TBX19: variants seen among roughly 807,000 people sequenced by gnomAD.
TBX19 encodes T-box transcription factor TBX19.
In TBX19, 33 loss-of-function variants were observed where a neutral mutation model predicts 40.9. The ratio of observed to expected loss-of-function variants is 0.81; its 90% CI spans 0.61 to 1.08. The LOEUF is 1.08. Among genes scored for constraint, TBX19 ranks in the 50% least tolerant of loss-of-function variants. TBX19 has a pLI of 0.00. For missense variants in TBX19, 494 were observed against 574.0 expected (o/e 0.86, Z 1.42); for synonymous variants, 220 against 225.0 (o/e 0.98, Z 0.20).
chr1:168,282,842 G>A (rs779525621), intron 1 of TBX19, among the ~76,000 whole-genome samples: 103 of 152,132 alleles, frequency 6.8e-4, no homozygotes, highest in Admixed American at 1.6e-3. Context: ...TGTCAAATTG[G>A]CCATTTATTA....
Position 168,305,150 on chromosome 1 carries a change from G to A in TBX19, c.870G>A (p.Gln290=), listed in dbSNP as rs1309264185. The A allele has an allele frequency of 6.2e-7, 1 of 1,613,592 alleles. No homozygotes were observed. Among genetic ancestry groups the A allele is most frequent in the African/African-American group, 1.3e-5 (1 of 74,880 alleles). Residue 290 remains glutamine (Q), a synonymous_variant, in exon 6 of 8, where the codon CAG becomes CAA. Coordinates refer to ENST00000367821, the MANE Select transcript of TBX19 (RefSeq NM_005149.3). ...EHYSGLRGHR[Q]APYPSAYMHR... is the part of the protein sequence containing the mutation. The stretch of plus-strand genomic sequence containing the variant: ...ATTCGGGTCTCCGAGGACACCGGCA[G>A]GCTCCCTACCCTTCTGCGTACATGC...
chr1:168,301,169 C>T (rs1572480411), intron 5 of TBX19, among the ~76,000 whole-genome samples: 1 of 152,336 alleles, frequency 6.6e-6, no homozygotes, highest in East Asian at 1.9e-4. Context: ...TTGCCAGCTG[C>T]AGAGTTCTTT....
chr1:168,301,071 A>G (rs912594471), intron 5 of TBX19, among the ~76,000 whole-genome samples: 1 of 152,236 alleles, frequency 6.6e-6, no homozygotes, highest in African/African-American at 2.4e-5. Flanking sequence ...ACCCACGATC[A>G]GTGACATCAG....
chr1:168,309,769 C>T (rs939234829), intron 7 of TBX19, among the ~76,000 whole-genome samples: 2 of 152,138 alleles, frequency 1.3e-5, no homozygotes, highest in Admixed American at 1.3e-4. Context: ...AGTTCTACCT[C>T]TTAGTAGTGA....
In TBX19 at chr1:168,313,312, G is replaced by A; in HGVS notation, c.*310G>A. On this transcript the variant is annotated 3_prime_UTR_variant, in exon 8 of 8. Transcript: ENST00000367821. ...TGCCTCTTATTCTCAAATCGTTCTG[G>A]AAAGCCTCACTTCCTTTTCTGTGGA... is the stretch of plus-strand genomic sequence containing the variant. 1 of 431,028 alleles carries A rather than the reference G, an allele frequency of 2.3e-6. No homozygotes were observed. Among genetic ancestry groups the A allele is most frequent in the Non-Finnish European group, 4.3e-6 (1 of 233,226 alleles). The allele number at this position is 431,028 out of a possible 1,614,324, so 26.7% of individuals were successfully genotyped here. A position where few individuals can be genotyped will look rare whatever the true frequency, so the allele number is the denominator to read the frequency against.
At chr1:168,284,336 A>G (rs1487991300) in intron 1 of TBX19, among the ~76,000 whole-genome samples, 1 of 152,156 alleles carries the variant, frequency 6.6e-6, no homozygotes, top group Non-Finnish European at 1.5e-5. Flanking sequence ...GGAAACTTAT[A>G]CTTTAGTTTG....
chr1:168,294,172 TTC>T (rs140781485), intron 3 of TBX19, among the ~76,000 whole-genome samples: 181 of 152,296 alleles, frequency 1.2e-3, no homozygotes, highest in African/African-American at 4.3e-3. Context: ...ATCTGCAAAT[TTC>T]TTTTTCCTCA....
intron 3 of TBX19, 59 bp from the exon 4 acceptor site, chr1:168,297,665 T>C: frequency 6.8e-7 from 1 of 1,473,572 alleles, no homozygotes; most frequent in East Asian, 2.3e-5. Flanking sequence ...AGACAAAGGG[T>C]TCTGTTTGCC....
chr1:168,308,858 C>T lies in TBX19; in HGVS notation c.1033C>T (p.Pro345Ser). ...CCTGTCTGTACCCCACACCAACGGACCAATCAATCCAGGGCCCAGGTAAGA... is the reference window on the plus strand; with the variant it reads ...CCTGTCTGTACCCCACACCAACGGATCAATCAATCCAGGGCCCAGGTAAGA... The part of the protein sequence containing the change: ...SILSVPHTNG[P>S]INPGPSPYPC... Residue 345 changes from proline (P) to serine (S), a missense_variant, in exon 7 of 8, where the codon CCA becomes TCA. By Grantham distance (74) the Pro-to-Ser change is moderately conservative. Transcript: ENST00000367821. The T allele has an allele frequency of 1.9e-6, 3 of 1,614,126 alleles. No homozygotes were observed. The highest frequency in any genetic ancestry group is 1.1e-5 in the South Asian group (1 of 91,074).
chr1:168,292,571 G>A (rs1648967936), intron 2 of TBX19, among the ~76,000 whole-genome samples: 2 of 152,160 alleles, frequency 1.3e-5, no homozygotes, highest in South Asian at 4.1e-4. Context: ...ACACTCTTAA[G>A]AATAACTCCT....
intron 1 of TBX19, among the ~76,000 whole-genome samples, chr1:168,288,514 C>G (rs930362685): frequency 6.6e-6 from 1 of 152,166 alleles, no homozygotes; most frequent in South Asian, 2.1e-4. Context: ...CTGGGCAACA[C>G]AGTCACACAC....
chr1:168,304,390 T>A (rs1649350433), intron 5 of TBX19, among the ~76,000 whole-genome samples: 1 of 152,128 alleles, frequency 6.6e-6, no homozygotes, highest in Admixed American at 6.5e-5. Context: ...ACAGGTGGGG[T>A]TGGTGGGTCC....
In TBX19 at chr1:168,305,203, G is replaced by T. The variant is rs1263702692; in HGVS notation, c.916+7G>T. 3 of 1,608,920 alleles carry T rather than the reference G, an allele frequency of 1.9e-6. No individual in the cohort carries two copies. The highest frequency in any genetic ancestry group is 2.5e-6 in the Non-Finnish European group (3 of 1,179,988). On this transcript the variant is annotated splice_region_variant and intron_variant, in intron 6 of 7. Coordinates refer to ENST00000367821, the MANE Select transcript of TBX19 (RefSeq NM_005149.3). Reference sequence around the variant, plus strand: ...AGAAACCATTCTCCCTCAGGTCTGTGACTCTGCTGATTAAACCCTTGGGGT... The same window carrying T: ...AGAAACCATTCTCCCTCAGGTCTGTTACTCTGCTGATTAAACCCTTGGGGT...
At position 168,293,289 on chromosome 1, in the gene TBX19, G is replaced by A; in HGVS notation, c.603+11G>A. On this transcript the variant is annotated intron_variant, in intron 3 of 7. Transcript: ENST00000367821. The stretch of plus-strand genomic sequence containing the variant: ...TATCAGAATGAGGAGGTAAGAGTGT[G>A]TGTGTGTGTGTGTGTGTGTGTGTGT... 8.2e-7 allele frequency: 1 copy of A among 1,217,020 alleles called. No individual in the cohort carries two copies. Among genetic ancestry groups the A allele is most frequent in the East Asian group, 2.8e-5 (1 of 35,904 alleles). The allele number at this position is 1,217,020 out of a possible 1,614,324, so 75.4% of individuals were successfully genotyped here. A position where few individuals can be genotyped will look rare whatever the true frequency, so the allele number is the denominator to read the frequency against.
chr1:168,297,759 C>A lies in TBX19; in HGVS notation c.639C>A (p.Ala213=). Residue 213 remains alanine (A), a synonymous_variant, in exon 4 of 8, where the codon GCC becomes GCA. Coordinates refer to ENST00000367821, the MANE Select transcript of TBX19 (RefSeq NM_005149.3). ...TCAAAATCAAGTACAATCCTTTTGC[C>A]AAAGCCTTCTTGGATGCCAAGGAAA... ...TALKIKYNPF[A]KAFLDAKERN... The A allele has an allele frequency of 6.2e-7, 1 of 1,614,118 alleles. No individual in the cohort carries two copies. Among genetic ancestry groups the A allele is most frequent in the Non-Finnish European group, 8.5e-7 (1 of 1,180,008 alleles).
intron 3 of TBX19, among the ~76,000 whole-genome samples, chr1:168,296,367 AAAG>A (rs1282330568): frequency 1.3e-5 from 2 of 152,200 alleles, no homozygotes; most frequent in Non-Finnish European, 1.5e-5. Context: ...TTATAAAGAA[AAAG>A]AAGTTTAATG....
rs758464037 is a variant in TBX19 at position 168,308,928 on chromosome 1, T to A, written c.1052+51T>A. On this transcript the variant is annotated intron_variant, in intron 7 of 7. Coordinates refer to ENST00000367821, the MANE Select transcript of TBX19 (RefSeq NM_005149.3). Reference sequence around the variant, plus strand: ...CATTGGTCGTCTTGGGGGTTTACTTTAGCACTGGGGACTCAAGTTCATTCT... The same window carrying A: ...CATTGGTCGTCTTGGGGGTTTACTTAAGCACTGGGGACTCAAGTTCATTCT... The A allele has an allele frequency of 2.5e-6, 4 of 1,613,216 alleles. No homozygotes were observed. The Admixed American group carries it at 5.0e-5, about 20-fold the overall frequency.
At chr1:168,298,040 C>CA (rs1170141632) in intron 4 of TBX19, among the ~76,000 whole-genome samples, 1 of 151,932 alleles carries the variant, frequency 6.6e-6, no homozygotes, top group Admixed American at 6.6e-5. Flanking sequence ...ACTAAAAATG[C>CA]AAAAAATTAG....
At chr1:168,303,790 G>T (rs751924775) in intron 5 of TBX19, among the ~76,000 whole-genome samples, 2 of 152,136 alleles carry the variant, frequency 1.3e-5, no homozygotes, top group Non-Finnish European at 2.9e-5. Context: ...GACCGCATAG[G>T]GTAACTTCCT....
Sources: gnomAD v4.1 joint callset for allele counts (sites outside exome capture counted in the v4.1 genomes callset) on GRCh38, gnomAD v4.1.1 for gene constraint, MANE v1.5 for transcripts, NCBI Gene and HGNC (gene_info 2026-07-23, HGNC 2026-07-21) for gene names.